CCSER1: variants seen among roughly 807,000 people sequenced by gnomAD.
CCSER1 encodes coiled-coil serine rich protein 1, also known as serine-rich coiled-coil domain-containing protein 1.
In CCSER1, 41 loss-of-function variants were observed where a neutral mutation model predicts 82.0. That is an observed-to-expected ratio of 0.50 (90% CI 0.39 to 0.65). The LOEUF (loss-of-function observed/expected upper bound fraction) is 0.65, where lower values mean the gene tolerates loss of function less well. CCSER1 is among the 30% of genes least tolerant of loss of function. The pLI, the probability that CCSER1 is intolerant of heterozygous loss-of-function variation, is 0.00. For missense variants in CCSER1, 1,119 were observed against 1,064.2 expected (o/e 1.05, Z -0.72); for synonymous variants, 414 against 383.9 (o/e 1.08, Z -0.92).
chr4:90,861,905 C>CATATATATAT (rs1433929339), intron 8 of CCSER1, among the ~76,000 whole-genome samples: 21 of 139,410 alleles, frequency 1.5e-4, no homozygotes, highest in African/African-American at 4.9e-4. Flanking sequence ...TATGATGACT[C>CATATATATAT]ATATATATAT....
At chr4:91,229,529 T>A (rs1299167032) in intron 10 of CCSER1, among the ~76,000 whole-genome samples, 1 of 152,110 alleles carries the variant, frequency 6.6e-6, no homozygotes, top group Non-Finnish European at 1.5e-5. Context: ...TAAAGACACA[T>A]GCACATGTAT....
intron 5 of CCSER1, among the ~76,000 whole-genome samples, chr4:90,593,975 C>T (rs10022805): frequency 0.46 from 69,560 of 151,580 alleles, 20,649 homozygotes; most frequent in African/African-American, 0.84. Flanking sequence ...TGCAGATGTA[C>T]AGCATAATTA....
intron 10 of CCSER1, among the ~76,000 whole-genome samples, chr4:91,167,384 C>T (rs531583182): frequency 3.3e-5 from 5 of 151,994 alleles, no homozygotes; most frequent in Non-Finnish European, 7.4e-5. Flanking sequence ...CAGGGTTTCA[C>T]CATCTTGGCC....
chr4:90,351,239 A>G (rs903339553), intron 3 of CCSER1, among the ~76,000 whole-genome samples: 3 of 152,184 alleles, frequency 2.0e-5, no homozygotes, highest in Non-Finnish European at 2.9e-5. Context: ...AGAGAAATTC[A>G]ATAGGATAGT....
chr4:91,361,020 A>G (rs1302828946), intron 10 of CCSER1, among the ~76,000 whole-genome samples: 2 of 151,892 alleles, frequency 1.3e-5, no homozygotes, highest in African/African-American at 4.8e-5. Flanking sequence ...ATAAGATGGT[A>G]GGTATTTAAA....
intron 1 of CCSER1, among the ~76,000 whole-genome samples, chr4:90,152,807 T>C (rs1324595133): frequency 6.6e-6 from 1 of 152,042 alleles, no homozygotes; most frequent in African/African-American, 2.4e-5. Flanking sequence ...GTGCTTAAGC[T>C]TTTGAGCAGT....
rs1764884386 is a variant in CCSER1, at chr4:91,603,550, T to A, written c.*4493T>A. 6.6e-6 allele frequency: 1 copy of A among 152,122 alleles called. No individual in the cohort carries two copies. Among genetic ancestry groups the A allele is most frequent in the Admixed American group, 6.6e-5 (1 of 15,244 alleles). 9.4% of individuals were successfully genotyped at this position (152,122 alleles called of 1,614,324 possible). On this transcript the variant is annotated 3_prime_UTR_variant, in exon 11 of 11. Transcript: ENST00000509176. ...GTTCCTTCCATTTGAGTAAGTGATCTAGAATATGGGATACCACGGTTCTTT... is the reference window on the plus strand; with the variant it reads ...GTTCCTTCCATTTGAGTAAGTGATCAAGAATATGGGATACCACGGTTCTTT...
intron 3 of CCSER1, chr4:90,325,593 C>T (rs1359400456): frequency 4.6e-6 from 2 of 434,494 alleles, no homozygotes; most frequent in East Asian, 7.0e-5. Context: ...TTTATTGATT[C>T]AGGGTCTGCG....
At chr4:91,414,683 C>T (rs1753247621) in intron 10 of CCSER1, among the ~76,000 whole-genome samples, 1 of 152,012 alleles carries the variant, frequency 6.6e-6, no homozygotes, top group Non-Finnish European at 1.5e-5. Flanking sequence ...CAACTTTAGC[C>T]ATAAAGACAA....
intron 8 of CCSER1, among the ~76,000 whole-genome samples, chr4:90,859,650 T>A (rs2149977893): frequency 6.6e-6 from 1 of 151,940 alleles, no homozygotes; most frequent in Non-Finnish European, 1.5e-5. Flanking sequence ...CTCAGATCAT[T>A]GTTTTTCTTT....
At chr4:90,800,515 C>T (rs1756666740) in intron 7 of CCSER1, among the ~76,000 whole-genome samples, 1 of 152,154 alleles carries the variant, frequency 6.6e-6, no homozygotes, top group African/African-American at 2.4e-5. Context: ...GCTATCTCCT[C>T]TGGGAAACAA....
chr4:91,484,461 CAATG>C (rs1319611321), intron 10 of CCSER1, among the ~76,000 whole-genome samples: 1 of 152,072 alleles, frequency 6.6e-6, no homozygotes, highest in Non-Finnish European at 1.5e-5. Flanking sequence ...ATCAACAAAT[CAATG>C]AATCCATTCT....
intron 9 of CCSER1, among the ~76,000 whole-genome samples, chr4:91,059,294 G>A (rs1743730105): frequency 1.2e-5 from 1 of 83,460 alleles, no homozygotes; most frequent in Non-Finnish European, 2.8e-5. Context: ...GCTGAAATGT[G>A]TGTATATATA....
intron 10 of CCSER1, among the ~76,000 whole-genome samples, chr4:91,361,196 T>G (rs1749220961): frequency 6.6e-6 from 1 of 151,894 alleles, no homozygotes; most frequent in Admixed American, 6.6e-5. Flanking sequence ...TCTTGGTCAT[T>G]AATTTCACAG....
At chr4:91,409,052 A>T (rs4301075) in intron 10 of CCSER1, among the ~76,000 whole-genome samples, 117,359 of 152,066 alleles carry the variant, frequency 0.77, 45,872 homozygotes, top group African/African-American at 0.9. Flanking sequence ...GACAAAGCAA[A>T]CACCTGAAAC....
intron 10 of CCSER1, among the ~76,000 whole-genome samples, chr4:91,290,309 A>G (rs1020972758): frequency 6.6e-6 from 1 of 152,020 alleles, no homozygotes; most frequent in African/African-American, 2.4e-5. Flanking sequence ...CTATATTTAT[A>G]TATAATTTAT....
At chr4:91,005,707 T>C (rs1296653823) in intron 9 of CCSER1, among the ~76,000 whole-genome samples, 1 of 152,174 alleles carries the variant, frequency 6.6e-6, no homozygotes, top group Non-Finnish European at 1.5e-5. Context: ...AAACAGGAAA[T>C]TGGTGTGCAA....
intron 3 of CCSER1, among the ~76,000 whole-genome samples, chr4:90,343,068 CTCTT>C (rs1741709032): frequency 6.6e-6 from 1 of 151,904 alleles, no homozygotes; most frequent in African/African-American, 2.4e-5. Context: ...TAATAAAAGT[CTCTT>C]TCTTCAGGTC....
At chr4:91,259,443 T>C (rs1740935397) in intron 10 of CCSER1, among the ~76,000 whole-genome samples, 1 of 151,836 alleles carries the variant, frequency 6.6e-6, no homozygotes, top group Non-Finnish European at 1.5e-5. Flanking sequence ...AAGACCTTGG[T>C]AGTCATATAT....
Sources: allele counts gnomAD v4.1 joint callset (sites outside exome capture counted in the v4.1 genomes callset), GRCh38; gene constraint gnomAD v4.1.1; transcripts MANE v1.5; gene names NCBI Gene and HGNC (gene_info 2026-07-23, HGNC 2026-07-21).